The following DPYSL5 variants were observed in gnomAD, a reference collection of about 807,000 sequenced individuals.
DPYSL5 encodes dihydropyrimidinase like 5.
Under a neutral mutation model 58.4 loss-of-function variants are expected in DPYSL5, and 9 were observed. The observed-to-expected ratio is 0.15, with a 90% CI of 0.09 to 0.27. DPYSL5 has a LOEUF of 0.27. DPYSL5 is among the 10% of genes least tolerant of loss of function. The pLI is 1.00. For missense variants in DPYSL5, 499 were observed against 770.6 expected, an observed-to-expected ratio of 0.65 and a Z score of 4.17; for synonymous variants, 293 against 301.9, an observed-to-expected ratio of 0.97 and a Z score of 0.31.
chr2:26,882,896 G>A (rs1199383656), intron 1 of DPYSL5, among the ~76,000 whole-genome samples: 3 of 143,960 alleles, frequency 2.1e-5, no homozygotes, highest in Non-Finnish European at 4.5e-5. Flanking sequence ...GGGTGACAGA[G>A]CGAGACTATC....
chr2:26,860,346 T>C (rs1665980279), intron 1 of DPYSL5, among the ~76,000 whole-genome samples: 1 of 152,216 alleles, frequency 6.6e-6, no homozygotes, highest in African/African-American at 2.4e-5. Flanking sequence ...TCCCCTCCTG[T>C]GTCTGTCAAA....
intron 8 of DPYSL5, among the ~76,000 whole-genome samples, chr2:26,937,750 GT>G (rs1283588806): frequency 6.6e-6 from 1 of 150,484 alleles, no homozygotes; most frequent in Non-Finnish European, 1.5e-5. Flanking sequence ...TTTTTTGTTT[GT>G]TTGTTTGTTT....
In DPYSL5 at chr2:26,934,466, TC is replaced by T; in HGVS notation, c.791-109del. 7.6e-7 allele frequency: 1 copy of T among 1,321,962 alleles called. No homozygotes were observed. Among genetic ancestry groups the T allele is most frequent in the South Asian group, 1.4e-5 (1 of 71,824 alleles). 81.9% of individuals were successfully genotyped at this position (1,321,962 alleles called of 1,614,324 possible). A position where few individuals can be genotyped will look rare whatever the true frequency, so the allele number is the denominator to read the frequency against. ...TAAAAGCCCTGTGAGCTTGGGCAGG[TC>T]CCTTCCTGTCTCTGACCTCAGCTCC... On this transcript the variant is annotated intron_variant, in intron 7 of 12. Coordinates refer to ENST00000288699, the MANE Select transcript of DPYSL5 (RefSeq NM_020134.4). The surrounding 1 kb of genome is among the most constrained non-coding windows in gnomAD (Gnocchi z 4.3).
At chr2:26,904,163 C>G (rs1364545485) in intron 2 of DPYSL5, among the ~76,000 whole-genome samples, 1 of 152,154 alleles carries the variant, frequency 6.6e-6, no homozygotes, top group Non-Finnish European at 1.5e-5. Context: ...AGGATCCTGC[C>G]CCTCCCTGCC....
chr2:26,863,488 C>T (rs1168384505), intron 1 of DPYSL5, among the ~76,000 whole-genome samples: 1 of 152,170 alleles, frequency 6.6e-6, no homozygotes, highest in Non-Finnish European at 1.5e-5. Context: ...GTGGGCTGGG[C>T]CTGCAGCACC....
Position 26,944,335 on chromosome 2 carries a change from C to T in DPYSL5, c.1441-321C>T, listed in dbSNP as rs914660960. ...TAAAGTTGACTTCCTCAGATGTCTACCTGCTACCTCGGTGAGGCTTCCATC... is the reference window on the plus strand; with the variant it reads ...TAAAGTTGACTTCCTCAGATGTCTATCTGCTACCTCGGTGAGGCTTCCATC... On this transcript the variant is annotated intron_variant, in intron 11 of 12. Coordinates refer to ENST00000288699, the MANE Select transcript of DPYSL5 (RefSeq NM_020134.4). The surrounding 1 kb of genome is among the most constrained non-coding windows in gnomAD (Gnocchi z 4.4). Among the ~76,000 whole-genome samples the T allele has an allele frequency of 3.9e-5, 6 of 152,110 alleles. No homozygotes were observed. The highest frequency in any genetic ancestry group is 1.2e-4 in the African/African-American group (5 of 41,408).
chr2:26,941,724 G>A (rs192809918), intron 9 of DPYSL5, among the ~76,000 whole-genome samples: 6 of 152,274 alleles, frequency 3.9e-5, no homozygotes, highest in Admixed American at 1.3e-4. Context: ...ATGGAACCAC[G>A]GCCACTCACC....
At chr2:26,906,376 G>A (rs1270692490) in intron 2 of DPYSL5, among the ~76,000 whole-genome samples, 1 of 151,944 alleles carries the variant, frequency 6.6e-6, no homozygotes, top group African/African-American at 2.4e-5. Context: ...TAGAGATGAG[G>A]TTTCACCATG....
chr2:26,906,293 C>T (rs1664287787), intron 2 of DPYSL5, among the ~76,000 whole-genome samples: 1 of 151,698 alleles, frequency 6.6e-6, no homozygotes, highest in African/African-American at 2.4e-5. Flanking sequence ...AAGAGATTCT[C>T]CTGCCTCAGC....
intron 2 of DPYSL5, among the ~76,000 whole-genome samples, chr2:26,922,150 G>A (rs1231083962): frequency 6.6e-6 from 1 of 152,164 alleles, no homozygotes. Context: ...ACAGCCCTGA[G>A]CATTCCAGAG....
intron 1 of DPYSL5, among the ~76,000 whole-genome samples, chr2:26,893,838 C>T (rs896046526): frequency 2.0e-5 from 3 of 152,016 alleles, no homozygotes; most frequent in African/African-American, 4.8e-5. Context: ...CCCTGAAGAA[C>T]GAGAAATTTA....
intron 1 of DPYSL5, among the ~76,000 whole-genome samples, chr2:26,871,514 C>T (rs1018832349): frequency 2.6e-5 from 4 of 152,116 alleles, no homozygotes; most frequent in Non-Finnish European, 5.9e-5. Context: ...GCCATCTTGG[C>T]TCACTGCAGC....
Position 26,934,247 on chromosome 2 carries a change from T to C in DPYSL5, c.791-331T>C, listed in dbSNP as rs116269626. Among the ~76,000 whole-genome samples the C allele has an allele frequency of 2.0e-5, 3 of 152,326 alleles. No homozygotes were observed. Among genetic ancestry groups the C allele is most frequent in the African/African-American group, 7.2e-5 (3 of 41,578 alleles). The stretch of plus-strand genomic sequence containing the variant: ...TTAGCGTGGCATTCGTGGCCCTGCA[T>C]GCCTGTTCACCCACCGTCAAGCTCC... On this transcript the variant is annotated intron_variant, in intron 7 of 12. Transcript: ENST00000288699. This position sits in a 1 kb window ranked among gnomAD's most constrained non-coding sequence, Gnocchi z 4.3.
At chr2:26,912,331 G>C (rs1664461751) in intron 2 of DPYSL5, among the ~76,000 whole-genome samples, 1 of 152,228 alleles carries the variant, frequency 6.6e-6, no homozygotes, top group Non-Finnish European at 1.5e-5. Flanking sequence ...CCTCTCGTCA[G>C]CTTTATGGCA....
chr2:26,940,927 TATTATTATTA>T (rs1313845024), intron 9 of DPYSL5, among the ~76,000 whole-genome samples: 1 of 124,164 alleles, frequency 8.1e-6, no homozygotes, highest in Admixed American at 9.4e-5. Flanking sequence ...TTATTATTAT[TATTATTATTA>T]TTTATTTTTT....
chr2:26,871,208 C>T (rs72850602), intron 1 of DPYSL5, among the ~76,000 whole-genome samples: 11,974 of 152,052 alleles, frequency 0.079, 1,303 homozygotes, highest in African/African-American at 0.24. Context: ...ACTCTCTGGC[C>T]TTTTACAGAA....
Position 26,877,695 on chromosome 2 carries a change from C to G in DPYSL5, c.-4-20801C>G, listed in dbSNP as rs1663448907. 6.6e-6 allele frequency among the ~76,000 whole-genome samples: 1 copy of G among 152,150 alleles called. No individual in the cohort carries two copies. The highest frequency in any genetic ancestry group is 6.5e-5 in the Admixed American group (1 of 15,272). On this transcript the variant is annotated intron_variant, in intron 1 of 12. Transcript: ENST00000288699. This position sits in a 1 kb window ranked among gnomAD's most constrained non-coding sequence, Gnocchi z 4.1. ...TTATATAGTACCAAGAGATTGAGTT[C>G]CACTGTAATTCTCCTGTGGGAAAAC... is the stretch of plus-strand genomic sequence containing the variant.
intron 1 of DPYSL5, among the ~76,000 whole-genome samples, chr2:26,878,071 G>A (rs1483954008): frequency 6.6e-6 from 1 of 152,216 alleles, no homozygotes. Flanking sequence ...CACATTTTAA[G>A]TTTTCATGCA....
Position 26,933,326 on chromosome 2 carries a change from G to C in DPYSL5, c.783G>C (p.Lys261Asn), listed in dbSNP as rs746529100. Residue 261 changes from lysine (K) to asparagine (N), a missense_variant, in exon 7 of 13, where the codon AAG becomes AAC. Transcript: ENST00000288699. The surrounding 1 kb of genome is among the most constrained non-coding windows in gnomAD (Gnocchi z 4.2). ...ISAGDVIAAAKMQGKVVLAET... is the reference protein window; with the variant it reads ...ISAGDVIAAANMQGKVVLAET... ...CTGGTGACGTTATCGCAGCTGCTAAGATGCAAGGTGAGTCCATAGACTTGG... is the reference window on the plus strand; with the variant it reads ...CTGGTGACGTTATCGCAGCTGCTAACATGCAAGGTGAGTCCATAGACTTGG... 1 of 1,614,016 alleles carries C rather than the reference G, an allele frequency of 6.2e-7. No individual in the cohort carries two copies. The highest frequency in any genetic ancestry group is 1.7e-5 in the Admixed American group (1 of 60,028).
Sources: allele counts gnomAD v4.1 joint callset (sites outside exome capture counted in the v4.1 genomes callset), GRCh38; gene constraint gnomAD v4.1.1; non-coding constraint Gnocchi (gnomAD v3.1); transcripts MANE v1.5; gene names NCBI Gene and HGNC (gene_info 2026-07-23, HGNC 2026-07-21).